Variants in RTN3 observed in about 807,000 individuals in gnomAD.
RTN3 encodes the protein reticulon 3.
In RTN3, 49 loss-of-function variants were observed where a neutral mutation model predicts 77.8. The observed-to-expected ratio is 0.63, with a 90% CI of 0.50 to 0.80. The LOEUF (loss-of-function observed/expected upper bound fraction) is 0.80. Among genes scored for constraint, RTN3 ranks in the 30% least tolerant of loss-of-function variants. The pLI is 0.00. For missense variants in RTN3, 1,236 were observed against 1,211.9 expected (o/e 1.02, Z -0.29); for synonymous variants, 464 against 446.9 (o/e 1.04, Z -0.48).
intron 3 of RTN3, among the ~76,000 whole-genome samples, chr11:63,730,054 C>T (rs2012582180): frequency 3.3e-5 from 5 of 152,162 alleles, no homozygotes; most frequent in Admixed American, 3.3e-4. Flanking sequence ...GCAACCTCTG[C>T]CTTCCGGGTT....
chr11:63,735,765 A>G (rs1041887541), intron 3 of RTN3, among the ~76,000 whole-genome samples: 3 of 152,090 alleles, frequency 2.0e-5, no homozygotes, highest in Non-Finnish European at 4.4e-5. Flanking sequence ...CATCAGCCCA[A>G]GCATTCTGCC....
Position 63,719,622 on chromosome 11 carries a change from A to C in RTN3, c.1120A>C (p.Ile374Leu), listed in dbSNP as rs2011611676. ...TGACATGAGTGAATATAATTCAGAA[A>C]TTCCAGTTGTAAATCTTAAAACTAG... is the stretch of plus-strand genomic sequence containing the variant. ...GLDMSEYNSE[I>L]PVVNLKTSTH... is the part of the protein sequence containing the mutation. Residue 374 changes from isoleucine (I) to leucine (L), a missense_variant, in exon 3 of 9, where the codon ATT becomes CTT. Ile to Leu is a conservative substitution (Grantham distance 5). Around this residue, in one of 3 missense-constraint regions of RTN3, gnomAD observed 1,056 missense variants for 990.4 expected, o/e 1.07. Transcript: ENST00000377819. The C allele has an allele frequency of 1.2e-6, 2 of 1,613,738 alleles. No individual in the cohort carries two copies. The highest frequency in any genetic ancestry group is 1.7e-6 in the Non-Finnish European group (2 of 1,179,940).
intron 2 of RTN3, among the ~76,000 whole-genome samples, chr11:63,708,429 G>T (rs1383072450): frequency 1.3e-5 from 2 of 152,038 alleles, no homozygotes; most frequent in African/African-American, 4.8e-5. Flanking sequence ...TTCCCAAAGT[G>T]CTGGGATTAC....
intron 3 of RTN3, among the ~76,000 whole-genome samples, chr11:63,732,352 A>T (rs911960656): frequency 1.3e-5 from 2 of 151,914 alleles, no homozygotes; most frequent in Non-Finnish European, 2.9e-5. Flanking sequence ...ATTTTTAAAA[A>T]TTTTTTGTAG....
At chr11:63,724,460 G>A (rs1403427856) in intron 3 of RTN3, among the ~76,000 whole-genome samples, 3 of 148,310 alleles carry the variant, frequency 2.0e-5, no homozygotes, top group African/African-American at 7.5e-5. Context: ...TGGGATTACA[G>A]GCGTGAGCCA....
At chr11:63,724,343 C>T (rs760332795) in intron 3 of RTN3, among the ~76,000 whole-genome samples, 7 of 150,668 alleles carry the variant, frequency 4.6e-5, no homozygotes, top group Admixed American at 2.6e-4. Flanking sequence ...CTACCACGCC[C>T]GGCTAATTTT....
At chr11:63,738,636 A>AC (rs1450327454) in intron 3 of RTN3, among the ~76,000 whole-genome samples, 1 of 151,380 alleles carries the variant, frequency 6.6e-6, no homozygotes, top group Non-Finnish European at 1.5e-5. Context: ...TGTCTTTAAA[A>AC]AAAAAAAAAA....
At chr11:63,734,752 CA>C (rs1250303544) in intron 3 of RTN3, among the ~76,000 whole-genome samples, 9 of 149,098 alleles carry the variant, frequency 6.0e-5, no homozygotes, top group East Asian at 4.0e-4. Context: ...CACACACACA[CA>C]CACACACACA....
rs35837590 is a variant in RTN3, at chr11:63,683,943, CTTTTTTTTTTTT to C, written c.142+2183_142+2194del. Among the ~76,000 whole-genome samples, 31 of 58,946 alleles carry C rather than the reference CTTTTTTTTTTTT, an allele frequency of 5.3e-4. 1 individual carries two copies. In the East Asian group the frequency reaches 7.4e-3, roughly 14 times the overall value. The allele number at this position is 58,946 out of a possible 152,430, so 38.7% of individuals were successfully genotyped here. On this transcript the variant is annotated intron_variant, in intron 1 of 8. Coordinates refer to ENST00000377819, the MANE Select transcript of RTN3 (RefSeq NM_001265589.2). ...TATTTCTTTCTCTTTTCTTTTCTTT[CTTTTTTTTTTTT>C]TTTTTTTTTTTTTTTTTAGACAAGG...
Position 63,681,729 on chromosome 11 carries a change from A to G in RTN3, c.93A>G (p.Pro31=), listed in dbSNP as rs1266055483. The change falls in exon 1 of 9, where the codon CCA becomes CCG. Residue 31 remains proline (P), a synonymous_variant. Coordinates refer to ENST00000377819, the MANE Select transcript of RTN3 (RefSeq NM_001265589.2). ...EPSAPGGGGS[P]GACPALGTKS... ...CCGCGCCCGGCGGCGGCGGGAGCCC[A>G]GGAGCCTGCCCCGCCCTGGGGACGA... The G allele has an allele frequency of 3.7e-6, 6 of 1,609,114 alleles. No individual in the cohort carries two copies. Among genetic ancestry groups the G allele is most frequent in the Admixed American group, 1.7e-5 (1 of 59,720 alleles).
chr11:63,732,673 T>C (rs780461114), intron 3 of RTN3, among the ~76,000 whole-genome samples: 6 of 152,328 alleles, frequency 3.9e-5, no homozygotes, highest in Non-Finnish European at 5.9e-5. Flanking sequence ...ACACAATTTA[T>C]ATTAAAGAAA....
At chr11:63,754,370 A>G (rs1277050408) in intron 7 of RTN3, among the ~76,000 whole-genome samples, 3 of 152,076 alleles carry the variant, frequency 2.0e-5, no homozygotes, top group Non-Finnish European at 4.4e-5. Flanking sequence ...CCTGGCCAAC[A>G]TGGTAAAACT....
At chr11:63,717,052 A>G (rs2011459103) in intron 2 of RTN3, among the ~76,000 whole-genome samples, 2 of 151,304 alleles carry the variant, frequency 1.3e-5, no homozygotes, top group Non-Finnish European at 2.9e-5. Context: ...GGTCCCAGCT[A>G]CTTGGGAGGC....
In RTN3 at chr11:63,720,309, C is replaced by T; in HGVS notation, c.1807C>T (p.Pro603Ser). ...TGTGAGTGAAGTTGCTCCTGAAAAG[C>T]CTATTACTACTGAGAACCCCAAACT... ...EDVSEVAPEKPITTENPKLPS... is the reference protein window; with the variant it reads ...EDVSEVAPEKSITTENPKLPS... Residue 603 changes from proline (P) to serine (S), a missense_variant, in exon 3 of 9, where the codon CCT (proline) becomes TCT (serine). Physicochemically the swap from Pro to Ser is moderately conservative, Grantham distance 74. Transcript: ENST00000377819. 6.2e-7 allele frequency: 1 copy of T among 1,613,532 alleles called. No homozygotes were observed. The highest frequency in any genetic ancestry group is 8.5e-7 in the Non-Finnish European group (1 of 1,179,760).
Position 63,750,127 on chromosome 11 carries a change from C to A in RTN3, c.2667C>A (p.Val889=). The A allele has an allele frequency of 6.2e-7, 1 of 1,612,828 alleles. No homozygotes were observed. Among genetic ancestry groups the A allele is most frequent in the East Asian group, 2.2e-5 (1 of 44,890 alleles). ...VSYLILALLS[V]TISFRIYKSV... is the part of the protein sequence containing the mutation. ...ACCTCATCCTGGCTCTTCTCTCTGTCACCATCAGCTTCAGGATCTACAAGT... is the reference window on the plus strand; with the variant it reads ...ACCTCATCCTGGCTCTTCTCTCTGTAACCATCAGCTTCAGGATCTACAAGT... Residue 889 remains valine, a synonymous_variant, in exon 4 of 9, where the codon GTC becomes GTA. Transcript: ENST00000377819.
intron 3 of RTN3, among the ~76,000 whole-genome samples, chr11:63,732,316 C>T (rs1472455665): frequency 6.6e-6 from 1 of 152,046 alleles, no homozygotes; most frequent in Non-Finnish European, 1.5e-5. Flanking sequence ...CTAGGGACTA[C>T]AGGCACGCAC....
rs1941037388 is a variant in RTN3 at position 63,681,569 on chromosome 11, C to T, written c.-68C>T. ...TGAGCGAGCCAGTTGCCGGATTATTCTATTTCCCCTCCCTCTCTCCCGCCC... is the reference window on the plus strand; with the variant it reads ...TGAGCGAGCCAGTTGCCGGATTATTTTATTTCCCCTCCCTCTCTCCCGCCC... On this transcript the variant is annotated 5_prime_UTR_variant, in exon 1 of 9. Transcript: ENST00000377819. The T allele has an allele frequency of 3.4e-6, 5 of 1,468,338 alleles. No individual in the cohort carries two copies. Among genetic ancestry groups the T allele is most frequent in the Non-Finnish European group, 4.6e-6 (5 of 1,096,456 alleles). The allele number at this position is 1,468,338 out of a possible 1,614,324, so 91.0% of individuals were successfully genotyped here.
Position 63,758,570 on chromosome 11 carries a change from GCTATC to G in RTN3, c.*371_*375del, listed in dbSNP as rs2014505659. 2.5e-5 allele frequency: 12 copies of G among 473,826 alleles called. No homozygotes were observed. The South Asian group carries it at 5.9e-4, about 23-fold the overall frequency. The allele number at this position is 473,826 out of a possible 1,614,324, so 29.4% of individuals were successfully genotyped here. A position where few individuals can be genotyped will look rare whatever the true frequency, so the allele number is the denominator to read the frequency against. On this transcript the variant is annotated 3_prime_UTR_variant, in exon 9 of 9. Coordinates refer to ENST00000377819, the MANE Select transcript of RTN3 (RefSeq NM_001265589.2). The stretch of plus-strand genomic sequence containing the variant: ...CAGTTTTCAGCACTAGTCTTACTCA[GCTATC>G]CATTATAGTTTTGCCCTTAAGAAGT...
intron 2 of RTN3, among the ~76,000 whole-genome samples, chr11:63,708,291 A>G (rs529318427): frequency 3.9e-5 from 6 of 152,058 alleles, no homozygotes; most frequent in East Asian, 1.9e-4. Flanking sequence ...AATTGTGTCT[A>G]TTTTTATATA....
Sources: gnomAD v4.1 joint callset for allele counts (sites outside exome capture counted in the v4.1 genomes callset) on GRCh38, gnomAD v4.1.1 for gene constraint, gnomAD v4.1.1 regional missense constraint, MANE v1.5 for transcripts, NCBI Gene and HGNC (gene_info 2026-07-23, HGNC 2026-07-21) for gene names.